The following PRDM16 variants were observed in gnomAD, a reference collection of about 807,000 sequenced individuals.
The protein encoded by PRDM16 is PR/SET domain 16.
PRDM16 carries 23 observed loss-of-function variants against 110.6 expected under a neutral mutation model. The observed-to-expected ratio is 0.21, with a 90% CI of 0.15 to 0.29. The LOEUF (loss-of-function observed/expected upper bound fraction) is 0.29. Ranked by LOEUF, PRDM16 falls within the 10% of genes least tolerant of loss-of-function variation. The pLI is 1.00. For synonymous variants in PRDM16, 799 were observed against 781.8 expected (o/e 1.02, Z -0.37); for missense variants, 1,615 against 1,794.3 (o/e 0.90, Z 1.81).
intron 1 of PRDM16, among the ~76,000 whole-genome samples, chr1:3,099,495 G>A (rs548609702): frequency 7.2e-5 from 11 of 152,346 alleles, no homozygotes; most frequent in South Asian, 4.1e-4. Flanking sequence ...AAACAAGGCC[G>A]GTGGGGGGCA....
chr1:3,312,233 C>T (rs1036816758), intron 3 of PRDM16, among the ~76,000 whole-genome samples: 8 of 152,236 alleles, frequency 5.3e-5, no homozygotes, highest in Admixed American at 1.3e-4. Context: ...TCCATGGCGC[C>T]GTCAGCATCC....
At chr1:3,180,701 C>T (rs1224490671) in intron 1 of PRDM16, among the ~76,000 whole-genome samples, 2 of 134,140 alleles carry the variant, frequency 1.5e-5, no homozygotes, top group Non-Finnish European at 3.1e-5. Flanking sequence ...AGCCCCTCAC[C>T]CAGCAGACGG....
intron 10 of PRDM16, among the ~76,000 whole-genome samples, chr1:3,415,124 AG>A (rs1226286247): frequency 7.2e-5 from 11 of 152,172 alleles, no homozygotes; most frequent in Admixed American, 7.2e-4. Context: ...GGTGGTGGGC[AG>A]GGGGTCTGGA....
chr1:3,373,166 G>A (rs944402628), intron 3 of PRDM16, among the ~76,000 whole-genome samples: 5 of 152,194 alleles, frequency 3.3e-5, no homozygotes, highest in Non-Finnish European at 7.3e-5. Flanking sequence ...TTGGGAGCAC[G>A]GGGGTTAGGG....
At chr1:3,269,067 C>G (rs981370928) in intron 3 of PRDM16, among the ~76,000 whole-genome samples, 2 of 152,180 alleles carry the variant, frequency 1.3e-5, no homozygotes, top group African/African-American at 4.8e-5. Flanking sequence ...TTTCTTGCTC[C>G]CAGGTGGGGA....
rs534605416 is a variant in PRDM16, at chr1:3,080,843, C to T, written c.37+11547C>T. On this transcript the variant is annotated intron_variant, in intron 1 of 16. Transcript: ENST00000270722. The surrounding 1 kb of genome is among the most constrained non-coding windows in gnomAD (Gnocchi z 5.2). ...TGTTAATATCTCAGAGCCCCAGAGA[C>T]TCGGCGTCTCCGACCCTGAGCCCAC... 5.3e-5 allele frequency among the ~76,000 whole-genome samples: 8 copies of T among 152,286 alleles called. No individual in the cohort carries two copies. The highest frequency in any genetic ancestry group is 8.8e-5 in the Non-Finnish European group (6 of 68,032).
rs1642648274 is a variant in PRDM16 at position 3,106,179 on chromosome 1, G to A, written c.37+36883G>A. Among the ~76,000 whole-genome samples, 3 of 152,246 alleles carry A rather than the reference G, an allele frequency of 2.0e-5. No homozygotes were observed. The South Asian group carries it at 6.2e-4, about 32-fold the overall frequency. ...GCGGGGTATGGGGGGAAGCCCCTGG[G>A]GGAGCCTGTCTTCCAAAGAGAGCAG... On this transcript the variant is annotated intron_variant, in intron 1 of 16. Transcript: ENST00000270722.
chr1:3,387,496 T>G (rs1643219843), intron 4 of PRDM16, among the ~76,000 whole-genome samples: 1 of 152,204 alleles, frequency 6.6e-6, no homozygotes, highest in South Asian at 2.1e-4. Flanking sequence ...TTGTGAGACC[T>G]TCCCCTCCGA....
chr1:3,129,970 G>A (rs1450963769), intron 1 of PRDM16, among the ~76,000 whole-genome samples: 3 of 152,188 alleles, frequency 2.0e-5, no homozygotes, highest in African/African-American at 4.8e-5. Context: ...ATCCAAAAGC[G>A]TTGATGGGCC....
intron 1 of PRDM16, among the ~76,000 whole-genome samples, chr1:3,106,580 G>A (rs902161985): frequency 6.6e-6 from 1 of 152,222 alleles, no homozygotes; most frequent in African/African-American, 2.4e-5. Context: ...TGGGGCTTGG[G>A]GAGTTGTGGT....
chr1:3,179,799 G>T (rs1644129795), intron 1 of PRDM16, among the ~76,000 whole-genome samples: 1 of 152,206 alleles, frequency 6.6e-6, no homozygotes, highest in Non-Finnish European at 1.5e-5. Flanking sequence ...CCGGCCCCGA[G>T]TGATCTCGTA....
intron 3 of PRDM16, among the ~76,000 whole-genome samples, chr1:3,366,913 G>A (rs1237910884): frequency 6.6e-6 from 1 of 152,184 alleles, no homozygotes; most frequent in African/African-American, 2.4e-5. Context: ...GGAGTGAGGG[G>A]GCTGCACGTG....
chr1:3,186,262 G>A lies in PRDM16; in HGVS notation c.175G>A (p.Asp59Asn), dbSNP rs533835799. 3 of 1,612,284 alleles carry A rather than the reference G, an allele frequency of 1.9e-6. No homozygotes were observed. The highest frequency in any genetic ancestry group is 2.7e-5 in the African/African-American group (2 of 75,040). Residue 59 changes from aspartate to asparagine, a missense_variant, in exon 2 of 17, where the codon GAC (aspartate) becomes AAC (asparagine). Transcript: ENST00000270722. The part of the protein sequence containing the change: ...GPPSPFPTSE[D>N]FTPKEGSPYE... ...ACCGTCCCCCTTCCCCACCAGCGAGGACTTCACCCCCAAGGAGGGCTCGCC... is the reference window on the plus strand; with the variant it reads ...ACCGTCCCCCTTCCCCACCAGCGAGAACTTCACCCCCAAGGAGGGCTCGCC...
At chr1:3,294,926 G>A (rs893183628) in intron 3 of PRDM16, among the ~76,000 whole-genome samples, 4 of 152,196 alleles carry the variant, frequency 2.6e-5, no homozygotes, top group Admixed American at 6.5e-5. Flanking sequence ...TAGACCCCAC[G>A]GAAGTGGCCA....
At chr1:3,263,498 G>A (rs1254381165) in intron 3 of PRDM16, among the ~76,000 whole-genome samples, 4 of 152,190 alleles carry the variant, frequency 2.6e-5, no homozygotes, top group African/African-American at 7.2e-5. Flanking sequence ...CACTGGGATC[G>A]CACTCACAGA....
chr1:3,231,684 G>A (rs937259762), intron 2 of PRDM16, among the ~76,000 whole-genome samples: 2 of 152,256 alleles, frequency 1.3e-5, no homozygotes, highest in Admixed American at 6.5e-5. Context: ...TCCAGGGCAG[G>A]TGGCCTTGGC....
intron 3 of PRDM16, among the ~76,000 whole-genome samples, chr1:3,372,741 G>A (rs969156158): frequency 6.6e-6 from 1 of 152,234 alleles, no homozygotes; most frequent in Admixed American, 6.5e-5. Context: ...AACTGTTAGA[G>A]CTGTTAATGT....
At chr1:3,163,750 G>C (rs538819961) in intron 1 of PRDM16, among the ~76,000 whole-genome samples, 1 of 152,174 alleles carries the variant, frequency 6.6e-6, no homozygotes, top group Non-Finnish European at 1.5e-5. Context: ...CTCAGCCTCT[G>C]TGTGCATGTC....
rs528977393 is a variant in PRDM16 at position 3,121,521 on chromosome 1, C to T, written c.37+52225C>T. Reference sequence around the variant, plus strand: ...GAGCAAACCGTTTCTGTGGAGACTCCGAACGTCGCCTGCCTCCTGCAAGGC... The same window carrying T: ...GAGCAAACCGTTTCTGTGGAGACTCTGAACGTCGCCTGCCTCCTGCAAGGC... On this transcript the variant is annotated intron_variant, in intron 1 of 16. Transcript: ENST00000270722. 1.8e-3 allele frequency among the ~76,000 whole-genome samples: 275 copies of T among 152,326 alleles called. 1 individual carries two copies. The highest frequency in any genetic ancestry group is 6.8e-3 in the Middle Eastern group (2 of 294).
Sources: allele counts gnomAD v4.1 joint callset (sites outside exome capture counted in the v4.1 genomes callset), GRCh38; gene constraint gnomAD v4.1.1; non-coding constraint Gnocchi (gnomAD v3.1); transcripts MANE v1.5; gene names NCBI Gene and HGNC (gene_info 2026-07-23, HGNC 2026-07-21).